GRM5: variants seen among roughly 807,000 people sequenced by gnomAD.
GRM5 encodes metabotropic glutamate receptor 5.
GRM5 carries 19 observed loss-of-function variants against 83.1 expected under a neutral mutation model. The ratio of observed to expected loss-of-function variants is 0.23; its 90% CI spans 0.16 to 0.34. The LOEUF is 0.34. Ranked by LOEUF, GRM5 falls within the 10% of genes least tolerant of loss-of-function variation. GRM5 has a pLI of 1.00. For synonymous variants in GRM5, 675 were observed against 633.6 expected (o/e 1.07, Z -0.98); for missense variants, 1,160 against 1,588.3 (o/e 0.73, Z 4.58).
chr11:88,701,870 G>A (rs1941044459), intron 3 of GRM5, among the ~76,000 whole-genome samples: 1 of 152,020 alleles, frequency 6.6e-6, no homozygotes, highest in African/African-American at 2.4e-5. Context: ...TGACCTGTAG[G>A]GTTACATGAC....
intron 9 of GRM5, among the ~76,000 whole-genome samples, chr11:88,515,964 AG>A (rs1411231540): frequency 6.6e-6 from 1 of 152,220 alleles, no homozygotes; most frequent in East Asian, 1.9e-4. Flanking sequence ...TCAGCTCACA[AG>A]GTGTTTTCAC....
intron 3 of GRM5, among the ~76,000 whole-genome samples, chr11:88,823,922 C>CT (rs1457934954): frequency 6.6e-6 from 1 of 152,114 alleles, no homozygotes; most frequent in Non-Finnish European, 1.5e-5. Flanking sequence ...CTTAAACAAA[C>CT]TTTTTATTAT....
At chr11:89,032,044 T>C (rs928381331) in intron 2 of GRM5, among the ~76,000 whole-genome samples, 3 of 152,082 alleles carry the variant, frequency 2.0e-5, no homozygotes. Context: ...AAAAATACTA[T>C]TAATTTAATT....
At chr11:88,693,348 G>A (rs1940826188) in intron 3 of GRM5, among the ~76,000 whole-genome samples, 1 of 152,164 alleles carries the variant, frequency 6.6e-6, no homozygotes, top group Admixed American at 6.6e-5. Context: ...AAAGTAGTGA[G>A]GAGATAGGAA....
intron 3 of GRM5, among the ~76,000 whole-genome samples, chr11:88,845,423 CTTTTTTTTTTTTT>C (rs71046265): frequency 3.2e-5 from 3 of 92,432 alleles, no homozygotes; most frequent in East Asian, 3.5e-4. Flanking sequence ...ATAAACATAA[CTTTTTTTTTTTTT>C]TTTTTTTTTT....
intron 2 of GRM5, among the ~76,000 whole-genome samples, chr11:88,944,146 T>C (rs557505): frequency 0.48 from 72,939 of 151,680 alleles, 19,922 homozygotes; most frequent in South Asian, 0.7. Context: ...GCGGGGGAAA[T>C]GAGAATTTTA....
chr11:88,784,126 G>A (rs1943023631), intron 3 of GRM5, among the ~76,000 whole-genome samples: 1 of 151,922 alleles, frequency 6.6e-6, no homozygotes, highest in Admixed American at 6.6e-5. Flanking sequence ...TGTCCTCTAG[G>A]AAATCTTTTA....
intron 3 of GRM5, among the ~76,000 whole-genome samples, chr11:88,726,344 G>A (rs890896893): frequency 7.2e-5 from 11 of 152,224 alleles, no homozygotes; most frequent in Middle Eastern, 3.4e-3. Flanking sequence ...AGAGAAAAAA[G>A]AATGAAAAGG....
chr11:88,589,248 C>G (rs532432658), intron 7 of GRM5, among the ~76,000 whole-genome samples: 49 of 152,172 alleles, frequency 3.2e-4, no homozygotes, highest in South Asian at 2.1e-3. Context: ...TGTGTGTGCA[C>G]ACAGGTACAC....
At chr11:88,777,518 T>C (rs1435569043) in intron 3 of GRM5, among the ~76,000 whole-genome samples, 1 of 152,246 alleles carries the variant, frequency 6.6e-6, no homozygotes, top group African/African-American at 2.4e-5. Flanking sequence ...AGGGGCACTC[T>C]GATTTTTAGA....
chr11:88,582,943 T>C (rs1319315616), intron 7 of GRM5, among the ~76,000 whole-genome samples: 2 of 152,096 alleles, frequency 1.3e-5, no homozygotes, highest in African/African-American at 2.4e-5. Context: ...TCCACCAGTT[T>C]TGTGGTCTTG....
chr11:88,734,910 G>A (rs1239768442), intron 3 of GRM5, among the ~76,000 whole-genome samples: 1 of 152,020 alleles, frequency 6.6e-6, no homozygotes, highest in Non-Finnish European at 1.5e-5. Flanking sequence ...GCTGACCAAG[G>A]AGAGACATCA....
intron 3 of GRM5, among the ~76,000 whole-genome samples, chr11:88,835,239 A>T (rs1348607303): frequency 2.6e-5 from 4 of 152,224 alleles, no homozygotes; most frequent in African/African-American, 4.8e-5. Context: ...AAACCTGAGT[A>T]TATAGGTAAA....
At chr11:88,928,484 GT>G (rs1945830274) in intron 2 of GRM5, among the ~76,000 whole-genome samples, 1 of 98,476 alleles carries the variant, frequency 1.0e-5, no homozygotes, top group Admixed American at 9.6e-5. Flanking sequence ...ATATATATAT[GT>G]ATATATGTAT....
intron 3 of GRM5, among the ~76,000 whole-genome samples, chr11:88,777,132 T>C (rs1248201476): frequency 6.6e-6 from 1 of 152,204 alleles, no homozygotes; most frequent in Non-Finnish European, 1.5e-5. Context: ...GAGGCTTTGT[T>C]CATTTCTTTT....
At chr11:88,695,285 T>A (rs1346440203) in intron 3 of GRM5, among the ~76,000 whole-genome samples, 2 of 152,142 alleles carry the variant, frequency 1.3e-5, no homozygotes, top group Non-Finnish European at 2.9e-5. Flanking sequence ...AGTTCTTAGA[T>A]GTTGAAAAAA....
intron 3 of GRM5, among the ~76,000 whole-genome samples, chr11:88,753,111 TTTAA>T (rs1401736366): frequency 1.3e-5 from 2 of 152,148 alleles, no homozygotes; most frequent in African/African-American, 4.8e-5. Context: ...ACAAATAGTA[TTTAA>T]TTAAACTAAA....
intron 3 of GRM5, among the ~76,000 whole-genome samples, chr11:88,676,551 C>T (rs1234954417): frequency 1.3e-5 from 2 of 151,798 alleles, no homozygotes; most frequent in South Asian, 2.1e-4. Context: ...ATTATAAATA[C>T]AATGATTTAA....
chr11:88,884,854 A>G (rs1945015767), intron 2 of GRM5, among the ~76,000 whole-genome samples: 1 of 152,134 alleles, frequency 6.6e-6, no homozygotes, highest in Non-Finnish European at 1.5e-5. Flanking sequence ...CATGATTCTG[A>G]GGCCTCCCCA....
Sources: gnomAD v4.1 joint callset for allele counts (sites outside exome capture counted in the v4.1 genomes callset) on GRCh38, gnomAD v4.1.1 for gene constraint, MANE v1.5 for transcripts, NCBI Gene and HGNC (gene_info 2026-07-23, HGNC 2026-07-21) for gene names.